Variants in ERC2 observed in about 807,000 individuals in gnomAD.
ERC2 encodes ELKS/RAB6-interacting/CAST family member 2.
In ERC2, 42 loss-of-function variants were observed where a neutral mutation model predicts 114.8. The observed-to-expected ratio is 0.37, with a 90% CI of 0.29 to 0.47. The LOEUF (loss-of-function observed/expected upper bound fraction) is 0.47, where lower values mean the gene tolerates loss of function less well. Among genes scored for constraint, ERC2 ranks in the 20% least tolerant of loss-of-function variants. The probability of loss-of-function intolerance (pLI) is 0.99; values close to 1 mark genes in which losing one functional copy is unlikely to be tolerated. For missense variants in ERC2, 939 were observed against 1,150.7 expected, an observed-to-expected ratio of 0.82 and a Z score of 2.66; for synonymous variants, 454 against 425.5, an observed-to-expected ratio of 1.07 and a Z score of -0.82.
intron 3 of ERC2, among the ~76,000 whole-genome samples, chr3:56,294,571 A>T (rs1035024937): frequency 6.6e-6 from 1 of 152,252 alleles, no homozygotes; most frequent in Admixed American, 6.5e-5. Context: ...GCTTCATCAA[A>T]GCATGCAAGC....
At chr3:56,238,387 G>C (rs1300776482) in intron 3 of ERC2, among the ~76,000 whole-genome samples, 1 of 152,166 alleles carries the variant, frequency 6.6e-6, no homozygotes, top group South Asian at 2.1e-4. Context: ...CCCCTGGAAG[G>C]CCTGAGTCAG....
intron 12 of ERC2, among the ~76,000 whole-genome samples, chr3:55,983,441 G>T (rs964721603): frequency 5.9e-5 from 9 of 152,202 alleles, no homozygotes; most frequent in African/African-American, 2.2e-4. Context: ...GTTTGTGTAT[G>T]AAGACATTCT....
intron 17 of ERC2, among the ~76,000 whole-genome samples, chr3:55,575,029 T>G (rs2056903634): frequency 6.6e-6 from 1 of 152,178 alleles, no homozygotes; most frequent in Non-Finnish European, 1.5e-5. Flanking sequence ...TCTGTTTTTT[T>G]CTGAGACGGA....
At chr3:55,930,091 T>C (rs1431747424) in intron 13 of ERC2, among the ~76,000 whole-genome samples, 1 of 151,912 alleles carries the variant, frequency 6.6e-6, no homozygotes, top group Non-Finnish European at 1.5e-5. Flanking sequence ...ATATAAAAAT[T>C]AGCCAGGCAT....
chr3:56,456,083 G>A (rs1247833851), intron 1 of ERC2, among the ~76,000 whole-genome samples: 1 of 152,096 alleles, frequency 6.6e-6, no homozygotes, highest in Non-Finnish European at 1.5e-5. Context: ...TCTCTCTTTG[G>A]TTACAAATGT....
At chr3:56,155,406 C>A (rs1427192165) in intron 4 of ERC2, among the ~76,000 whole-genome samples, 2 of 151,470 alleles carry the variant, frequency 1.3e-5, no homozygotes, top group South Asian at 4.2e-4. Flanking sequence ...CTGGATGTGG[C>A]CTTCTTTGAT....
At chr3:55,994,195 A>G (rs2071304642) in intron 10 of ERC2, among the ~76,000 whole-genome samples, 1 of 16,840 alleles carries the variant, frequency 5.9e-5, no homozygotes, top group South Asian at 0.023. Context: ...AGATTTTTAA[A>G]AAAGAATTAA....
At chr3:56,164,824 T>C (rs1006176038) in intron 4 of ERC2, among the ~76,000 whole-genome samples, 2 of 152,128 alleles carry the variant, frequency 1.3e-5, no homozygotes, top group Admixed American at 1.3e-4. Flanking sequence ...CTGGTTTTGA[T>C]TGGCATTTCC....
intron 12 of ERC2, among the ~76,000 whole-genome samples, chr3:55,983,408 C>A (rs560971093): frequency 1.3e-4 from 20 of 152,298 alleles, no homozygotes; most frequent in Admixed American, 9.1e-4. Context: ...GAGATCCTGA[C>A]AAACCTCTCC....
intron 17 of ERC2, among the ~76,000 whole-genome samples, chr3:55,572,041 G>T (rs2056742327): frequency 6.6e-6 from 1 of 152,236 alleles, no homozygotes; most frequent in Non-Finnish European, 1.5e-5. Context: ...CACCCGCAGG[G>T]TCTGTGCAGC....
rs536674462 is a variant in ERC2 at position 56,083,890 on chromosome 3, A to G, written c.1474-2906T>C. 6.6e-5 allele frequency among the ~76,000 whole-genome samples: 10 copies of G among 152,228 alleles called. No individual in the cohort carries two copies. In the South Asian group the frequency reaches 2.1e-3, roughly 32 times the overall value. On this transcript the variant is annotated intron_variant, in intron 6 of 17. Coordinates refer to ENST00000288221, the MANE Select transcript of ERC2 (RefSeq NM_015576.3). The stretch of plus-strand genomic sequence containing the variant: ...CAAAATAACCGAACAAGAAGAGTTA[A>G]AAGGGTTTGTCTTAGGGAAAAAAAA...
chr3:55,916,857 T>C (rs965479066), intron 13 of ERC2, among the ~76,000 whole-genome samples: 37 of 152,310 alleles, frequency 2.4e-4, no homozygotes, highest in African/African-American at 7.7e-4. Context: ...TGCCCTTCTG[T>C]TCCTAGTACC....
intron 6 of ERC2, among the ~76,000 whole-genome samples, chr3:56,103,892 G>T (rs1386666650): frequency 6.6e-6 from 1 of 152,106 alleles, no homozygotes; most frequent in African/African-American, 2.4e-5. Context: ...TAGAAGAGGT[G>T]AGAAGATACA....
chr3:55,955,499 C>T (rs955722612), intron 12 of ERC2, among the ~76,000 whole-genome samples: 5 of 152,018 alleles, frequency 3.3e-5, no homozygotes, highest in African/African-American at 1.2e-4. Flanking sequence ...TCGTACATAA[C>T]CTTTTGTATC....
At chr3:56,234,340 A>ATTTT (rs1208386144) in intron 3 of ERC2, among the ~76,000 whole-genome samples, 1 of 152,244 alleles carries the variant, frequency 6.6e-6, no homozygotes, top group African/African-American at 2.4e-5. Flanking sequence ...TGGCACATAC[A>ATTTT]ACTAAAGAGG....
intron 13 of ERC2, among the ~76,000 whole-genome samples, chr3:55,916,690 A>T (rs1336049863): frequency 1.3e-5 from 2 of 152,084 alleles, no homozygotes; most frequent in African/African-American, 2.4e-5. Flanking sequence ...CCTGACTGTT[A>T]TTCAGCTTCA....
intron 1 of ERC2, among the ~76,000 whole-genome samples, chr3:56,461,167 T>C (rs973632859): frequency 3.3e-5 from 5 of 152,142 alleles, no homozygotes; most frequent in Non-Finnish European, 5.9e-5. Context: ...ACTCTTTTCC[T>C]AACTACAAAG....
intron 7 of ERC2, among the ~76,000 whole-genome samples, chr3:56,044,986 A>G (rs1448965406): frequency 6.6e-6 from 1 of 152,198 alleles, no homozygotes; most frequent in Non-Finnish European, 1.5e-5. Context: ...CATTTCAAAA[A>G]CATAGTAACA....
intron 3 of ERC2, among the ~76,000 whole-genome samples, chr3:56,181,979 G>T (rs141092124): frequency 1.8e-4 from 28 of 152,288 alleles, no homozygotes; most frequent in Admixed American, 3.9e-4. Context: ...CTCATAAGGG[G>T]CACTGGGCCA....
Sources: gnomAD v4.1 joint callset for allele counts (sites outside exome capture counted in the v4.1 genomes callset) on GRCh38, gnomAD v4.1.1 for gene constraint, MANE v1.5 for transcripts, NCBI Gene and HGNC (gene_info 2026-07-23, HGNC 2026-07-21) for gene names.